FHIT: variants seen among roughly 807,000 people sequenced by gnomAD.
FHIT encodes the protein bis(5'-adenosyl)-triphosphatase.
Under a neutral mutation model 17.9 loss-of-function variants are expected in FHIT, and 19 were observed. That is an observed-to-expected ratio of 1.06 (90% CI 0.74 to 1.56). The LOEUF (loss-of-function observed/expected upper bound fraction) is 1.56. FHIT is among the 40% of genes most tolerant of loss of function. The probability of loss-of-function intolerance (pLI) is 0.00; values close to 1 mark genes in which losing one functional copy is unlikely to be tolerated. For missense variants in FHIT, 248 were observed against 189.2 expected (o/e 1.31, Z -1.82); for synonymous variants, 81 against 69.7 (o/e 1.16, Z -0.81).
At chr3:60,073,495 G>T (rs570730369) in intron 5 of FHIT, among the ~76,000 whole-genome samples, 2 of 151,876 alleles carry the variant, frequency 1.3e-5, no homozygotes, top group South Asian at 4.2e-4. Context: ...GCTTATGTTC[G>T]TCTCACGTTT....
chr3:60,246,438 T>C (rs989739313), intron 5 of FHIT, among the ~76,000 whole-genome samples: 4 of 152,046 alleles, frequency 2.6e-5, no homozygotes, highest in African/African-American at 9.7e-5. Flanking sequence ...TTTCTTAACA[T>C]TCGTATCAAA....
At chr3:60,169,318 G>A (rs537549880) in intron 5 of FHIT, among the ~76,000 whole-genome samples, 3 of 152,268 alleles carry the variant, frequency 2.0e-5, no homozygotes, top group Admixed American at 6.5e-5. Flanking sequence ...TGAAAACAGT[G>A]TGGTTATTCC....
intron 8 of FHIT, among the ~76,000 whole-genome samples, chr3:59,857,508 C>T (rs939832161): frequency 6.8e-6 from 1 of 147,000 alleles, no homozygotes; most frequent in Non-Finnish European, 1.5e-5. Flanking sequence ...CCAATAATCT[C>T]TTTCATATTT....
At chr3:60,278,480 T>G (rs9865210) in intron 5 of FHIT, among the ~76,000 whole-genome samples, 39,232 of 151,984 alleles carry the variant, frequency 0.26, 5,739 homozygotes, top group East Asian at 0.67. Context: ...AAAACTGAGA[T>G]GTAATCATAA....
chr3:60,962,663 C>T (rs1245224544), intron 3 of FHIT, among the ~76,000 whole-genome samples: 2 of 152,122 alleles, frequency 1.3e-5, no homozygotes, highest in African/African-American at 4.8e-5. Context: ...TTGTCAAAGG[C>T]CTTTTCTGCA....
At chr3:61,041,326 G>A (rs1350003239) in intron 3 of FHIT, among the ~76,000 whole-genome samples, 1 of 151,710 alleles carries the variant, frequency 6.6e-6, no homozygotes, top group African/African-American at 2.4e-5. Context: ...GCGGTGAGCT[G>A]AGATCACGCC....
intron 2 of FHIT, among the ~76,000 whole-genome samples, chr3:61,121,793 T>A (rs2036464351): frequency 6.6e-6 from 1 of 152,038 alleles, no homozygotes; most frequent in Non-Finnish European, 1.5e-5. Flanking sequence ...AGACACAGAC[T>A]GGCAAATTGG....
chr3:59,907,065 T>G (rs1383939873), intron 8 of FHIT, among the ~76,000 whole-genome samples: 1 of 152,192 alleles, frequency 6.6e-6, no homozygotes, highest in African/African-American at 2.4e-5. Context: ...GTGACCATGA[T>G]GAATACCTCT....
intron 2 of FHIT, among the ~76,000 whole-genome samples, chr3:61,124,128 T>G (rs987400166): frequency 6.6e-6 from 1 of 152,204 alleles, no homozygotes; most frequent in African/African-American, 2.4e-5. Flanking sequence ...CACACAGACA[T>G]AACAAGTCTG....
At chr3:60,310,460 C>T (rs1273924831) in intron 5 of FHIT, among the ~76,000 whole-genome samples, 1 of 152,086 alleles carries the variant, frequency 6.6e-6, no homozygotes, top group African/African-American at 2.4e-5. Context: ...AGGAGACAGA[C>T]AATCAATGAT....
At chr3:60,190,171 G>C (rs1322408689) in intron 5 of FHIT, among the ~76,000 whole-genome samples, 1 of 152,188 alleles carries the variant, frequency 6.6e-6, no homozygotes, top group African/African-American at 2.4e-5. Flanking sequence ...CATTTGGAAA[G>C]TTGAATTGTG....
chr3:60,151,855 T>A (rs915232771), intron 5 of FHIT, among the ~76,000 whole-genome samples: 1 of 152,200 alleles, frequency 6.6e-6, no homozygotes, highest in Non-Finnish European at 1.5e-5. Context: ...TTCCTAATAC[T>A]CACTATCCCC....
chr3:60,310,289 G>A (rs1708881862), intron 5 of FHIT, among the ~76,000 whole-genome samples: 1 of 152,100 alleles, frequency 6.6e-6, no homozygotes, highest in South Asian at 2.1e-4. Flanking sequence ...TTTTTCAAGG[G>A]ATGCTAGGTG....
rs1200975540 is a variant in FHIT at position 60,830,134 on chromosome 3, C to G, written c.-110-8123G>C. Among the ~76,000 whole-genome samples, 5 of 152,082 alleles carry G rather than the reference C, an allele frequency of 3.3e-5. No individual in the cohort carries two copies. In the East Asian group the frequency reaches 7.7e-4, roughly 23 times the overall value. The stretch of plus-strand genomic sequence containing the variant: ...GGACAATGGTATTTGAGCCTGATCT[C>G]AAAGCCACCTCTTTGAGATTTATTC... On this transcript the variant is annotated intron_variant, in intron 3 of 9. Coordinates refer to ENST00000492590, the MANE Select transcript of FHIT (RefSeq NM_002012.4).
At chr3:59,801,390 A>G (rs1320207681) in intron 8 of FHIT, among the ~76,000 whole-genome samples, 1 of 152,192 alleles carries the variant, frequency 6.6e-6, no homozygotes, top group Non-Finnish European at 1.5e-5. Flanking sequence ...GAATAACTTA[A>G]AAATAAAAGA....
At chr3:61,109,369 T>G (rs908748230) in intron 2 of FHIT, among the ~76,000 whole-genome samples, 1 of 152,172 alleles carries the variant, frequency 6.6e-6, no homozygotes, top group African/African-American at 2.4e-5. Flanking sequence ...TCTGAGCCCC[T>G]GGCCTGTCCA....
At chr3:60,785,459 A>G (rs1239738496) in intron 4 of FHIT, among the ~76,000 whole-genome samples, 3 of 152,150 alleles carry the variant, frequency 2.0e-5, no homozygotes, top group Admixed American at 6.5e-5. Flanking sequence ...CTCTGGATTC[A>G]TTTTGCCAAC....
In FHIT at chr3:60,603,795, C is replaced by T. The variant is rs140382089; in HGVS notation, c.-17-66816G>A. Among the ~76,000 whole-genome samples, 488 of 152,082 alleles carry T rather than the reference C, an allele frequency of 3.2e-3. 1 individual carries two copies. Among genetic ancestry groups the T allele is most frequent in the Non-Finnish European group, 4.5e-3 (309 of 67,986 alleles). ...TACGTAAGAATGAGTAGAATGTATCCAAGGCAATAACACTATAAGGCTCTG... is the reference window on the plus strand; with the variant it reads ...TACGTAAGAATGAGTAGAATGTATCTAAGGCAATAACACTATAAGGCTCTG... On this transcript the variant is annotated intron_variant, in intron 4 of 9. Transcript: ENST00000492590.
chr3:60,116,278 T>C (rs1704957529), intron 5 of FHIT, among the ~76,000 whole-genome samples: 1 of 152,164 alleles, frequency 6.6e-6, no homozygotes, highest in Non-Finnish European at 1.5e-5. Flanking sequence ...TATATTGTAG[T>C]TGAAAGCCAG....
Sources: gnomAD v4.1 joint callset for allele counts (sites outside exome capture counted in the v4.1 genomes callset) on GRCh38, gnomAD v4.1.1 for gene constraint, MANE v1.5 for transcripts, NCBI Gene and HGNC (gene_info 2026-07-23, HGNC 2026-07-21) for gene names.